Variants in LSAMP observed in about 807,000 individuals in gnomAD.
LSAMP encodes limbic system-associated membrane protein.
Under a neutral mutation model 38.6 loss-of-function variants are expected in LSAMP, and 7 were observed. The observed-to-expected ratio is 0.18, with a 90% confidence interval of 0.10 to 0.34. LSAMP has a LOEUF of 0.34. Among genes scored for constraint, LSAMP ranks in the 10% least tolerant of loss-of-function variants. The pLI, the probability that LSAMP is intolerant of heterozygous loss-of-function variation, is 1.00. For synonymous variants in LSAMP, 154 were observed against 166.8 expected (o/e 0.92, Z 0.59); for missense variants, 313 against 420.0 (o/e 0.75, Z 2.23).
Position 116,020,228 on chromosome 3 carries a change from C to T in LSAMP, c.389-588G>A, listed in dbSNP as rs142353267. 2.4e-3 allele frequency among the ~76,000 whole-genome samples: 362 copies of T among 152,182 alleles called. 3 individuals are homozygous for T. The highest frequency in any genetic ancestry group is 8.4e-3 in the African/African-American group (347 of 41,514). On this transcript the variant is annotated intron_variant, in intron 2 of 6. Coordinates refer to ENST00000490035, the MANE Select transcript of LSAMP (RefSeq NM_002338.5). ...GCATGAAGTATCTTAGAACTTAAAA[C>T]GTGAATTAATAAGGCCTATCTCACA...
chr3:115,812,403 AG>A (rs1336066324), intron 6 of LSAMP, among the ~76,000 whole-genome samples: 1 of 152,188 alleles, frequency 6.6e-6, no homozygotes, highest in African/African-American at 2.4e-5. Flanking sequence ...GCACCCGATT[AG>A]TAATTGTTGA....
chr3:116,395,284 T>G (rs2048754414), intron 1 of LSAMP, among the ~76,000 whole-genome samples: 1 of 152,172 alleles, frequency 6.6e-6, no homozygotes, highest in African/African-American at 2.4e-5. Context: ...AAATGGCATT[T>G]GTAGCCCCAC....
At chr3:116,224,498 G>C (rs1559789821) in intron 1 of LSAMP, among the ~76,000 whole-genome samples, 1 of 152,170 alleles carries the variant, frequency 6.6e-6, no homozygotes, top group Non-Finnish European at 1.5e-5. Flanking sequence ...CTCAGAACTA[G>C]GTAATGCAAC....
chr3:116,206,294 T>C (rs1257873134), intron 1 of LSAMP, among the ~76,000 whole-genome samples: 2 of 149,794 alleles, frequency 1.3e-5, no homozygotes, highest in Admixed American at 6.7e-5. Context: ...TCTTCTCTCT[T>C]TTTTTCTTTA....
chr3:116,108,340 A>G (rs1216084585), intron 1 of LSAMP, among the ~76,000 whole-genome samples: 1 of 152,142 alleles, frequency 6.6e-6, no homozygotes, highest in Non-Finnish European at 1.5e-5. Context: ...TGCTTAAAAG[A>G]GTACTGTCTA....
intron 3 of LSAMP, among the ~76,000 whole-genome samples, chr3:115,989,614 A>G (rs1406354375): frequency 6.6e-6 from 1 of 152,002 alleles, no homozygotes; most frequent in Non-Finnish European, 1.5e-5. Flanking sequence ...TCTGTGTTAG[A>G]CTTTCTTGGT....
At chr3:116,129,034 C>T (rs1170209410) in intron 1 of LSAMP, among the ~76,000 whole-genome samples, 2 of 152,068 alleles carry the variant, frequency 1.3e-5, no homozygotes, top group African/African-American at 4.8e-5. Context: ...TTGGTGGATT[C>T]ATAGATGTGC....
intron 1 of LSAMP, among the ~76,000 whole-genome samples, chr3:116,285,662 T>G (rs1190871192): frequency 6.6e-6 from 1 of 152,178 alleles, no homozygotes; most frequent in African/African-American, 2.4e-5. Context: ...AATGTAAAAG[T>G]CATGAAAATA....
chr3:116,132,257 T>A (rs766298390), intron 1 of LSAMP, among the ~76,000 whole-genome samples: 1 of 147,816 alleles, frequency 6.8e-6, no homozygotes, highest in Non-Finnish European at 1.5e-5. Flanking sequence ...AAAAAAAGTC[T>A]AAATGGCTCC....
At chr3:116,264,799 A>C (rs552172458) in intron 1 of LSAMP, among the ~76,000 whole-genome samples, 3 of 152,026 alleles carry the variant, frequency 2.0e-5, no homozygotes, top group African/African-American at 7.2e-5. Flanking sequence ...CAGAGAAGAG[A>C]TCTTGCTATG....
chr3:116,085,124 C>T (rs956896265), intron 2 of LSAMP, among the ~76,000 whole-genome samples: 4 of 152,104 alleles, frequency 2.6e-5, no homozygotes, highest in South Asian at 4.1e-4. Context: ...AGCTTAAGTA[C>T]GCTCTACTAA....
In LSAMP at chr3:116,267,558, G is replaced by A. The variant is rs1417126887; in HGVS notation, c.155+177319C>T. The stretch of plus-strand genomic sequence containing the variant: ...AGTTTCTTACTTGCCAAGGGGAGAA[G>A]ACAGTATGCAGGCCCTATCTCTGTC... On this transcript the variant is annotated intron_variant, in intron 1 of 6. Coordinates refer to ENST00000490035, the MANE Select transcript of LSAMP (RefSeq NM_002338.5). Among the ~76,000 whole-genome samples the A allele has an allele frequency of 2.7e-5, 4 of 148,258 alleles. No individual in the cohort carries two copies. In the Admixed American group the frequency reaches 2.7e-4, roughly 10 times the overall value.
chr3:116,190,088 GACACACACACACACACACAC>G (rs3071108), intron 1 of LSAMP, among the ~76,000 whole-genome samples: 85 of 142,804 alleles, frequency 6.0e-4, no homozygotes, highest in Middle Eastern at 3.5e-3. Context: ...TCCAGTAGTA[GACACACACACACACACACAC>G]ACACACACAC....
At chr3:115,818,011 T>C (rs144356875) in intron 6 of LSAMP, among the ~76,000 whole-genome samples, 25 of 152,292 alleles carry the variant, frequency 1.6e-4, no homozygotes, top group African/African-American at 6.0e-4. Flanking sequence ...AATATGTTCA[T>C]GAAAACATGA....
intron 6 of LSAMP, among the ~76,000 whole-genome samples, chr3:115,838,491 A>AGGGATATG (rs1261217074): frequency 7.9e-5 from 12 of 152,204 alleles, no homozygotes; most frequent in Non-Finnish European, 1.6e-4. Context: ...TCTGAGAAAG[A>AGGGATATG]CTAGGGAGCT....
intron 3 of LSAMP, among the ~76,000 whole-genome samples, chr3:115,991,624 G>C (rs1357579131): frequency 2.0e-5 from 3 of 152,048 alleles, no homozygotes; most frequent in Non-Finnish European, 2.9e-5. Context: ...TAGTAATCGA[G>C]GGGCTAGAAA....
intron 1 of LSAMP, among the ~76,000 whole-genome samples, chr3:116,262,352 C>T (rs991265672): frequency 2.6e-5 from 4 of 152,132 alleles, no homozygotes; most frequent in Non-Finnish European, 5.9e-5. Flanking sequence ...GATGTGAGAA[C>T]ATTTTAGTCT....
intron 6 of LSAMP, among the ~76,000 whole-genome samples, chr3:115,819,581 T>A (rs779629964): frequency 1.3e-5 from 2 of 152,172 alleles, no homozygotes; most frequent in Non-Finnish European, 2.9e-5. Flanking sequence ...AGGAAACAGA[T>A]GCTCCCCTAT....
intron 2 of LSAMP, among the ~76,000 whole-genome samples, chr3:116,050,122 G>C (rs1016470549): frequency 1.3e-5 from 2 of 152,082 alleles, no homozygotes; most frequent in Non-Finnish European, 2.9e-5. Context: ...ATCTGAAAGG[G>C]TGGCAGAGTG....
Sources: gnomAD v4.1 joint callset for allele counts (sites outside exome capture counted in the v4.1 genomes callset) on GRCh38, gnomAD v4.1.1 for gene constraint, MANE v1.5 for transcripts, NCBI Gene and HGNC (gene_info 2026-07-23, HGNC 2026-07-21) for gene names.